The following HMCN2 variants were observed in gnomAD, a reference collection of about 807,000 sequenced individuals.
The protein encoded by HMCN2 is hemicentin 2.
HMCN2 carries 325 observed loss-of-function variants against 377.5 expected under a neutral mutation model. The ratio of observed to expected loss-of-function variants is 0.86; its 90% CI spans 0.79 to 0.94. HMCN2 has a LOEUF of 0.94. Among genes scored for constraint, HMCN2 ranks in the 40% least tolerant of loss-of-function variants. The pLI is 0.00. For synonymous variants in HMCN2, 2,007 were observed against 2,046.8 expected, an observed-to-expected ratio of 0.98 and a Z score of 0.53; for missense variants, 4,543 against 4,725.3, an observed-to-expected ratio of 0.96 and a Z score of 1.13.
intron 28 of HMCN2, 22 bp from the exon 29 acceptor site, chr9:130,349,515 C>T (rs1218879676): frequency 1.5e-6 from 2 of 1,301,082 alleles, no homozygotes; most frequent in Admixed American, 2.3e-5. Context: ...GTTTCCCACC[C>T]CTCACGCCTT....
chr9:130,302,906 G>A lies in HMCN2; in HGVS notation c.1326G>A (p.Gln442=). ...MAPRIHGYLH[Q]PLLVSCSVHS... is the part of the protein sequence containing the mutation. ...CCAGGATCCATGGCTACCTGCACCA[G>A]CCCCTGCTGGTCTCCTGCTCGGTGC... Residue 442 remains glutamine (Q), a synonymous_variant, in exon 9 of 98, where the codon CAG becomes CAA. Coordinates refer to ENST00000683500, the MANE Select transcript of HMCN2 (RefSeq NM_001291815.2). 1 of 470,620 alleles carries A rather than the reference G, an allele frequency of 2.1e-6. No individual in the cohort carries two copies. 29.2% of individuals were successfully genotyped at this position (470,620 alleles called of 1,614,324 possible).
At chr9:130,380,131 C>T (rs1005485122) in intron 54 of HMCN2, among the ~76,000 whole-genome samples, 5 of 152,226 alleles carry the variant, frequency 3.3e-5, no homozygotes, top group African/African-American at 7.2e-5. Context: ...CGTCTCGGAT[C>T]GGCCTCCCAA....
chr9:130,277,750 A>G (rs921440069), intron 1 of HMCN2, among the ~76,000 whole-genome samples: 23 of 147,996 alleles, frequency 1.6e-4, no homozygotes, highest in African/African-American at 5.2e-4. Flanking sequence ...CACCACCACC[A>G]CCATCATCAT....
rs1246995787 is a variant in HMCN2, at chr9:130,430,579, C to T, written c.14622C>T (p.Phe4874=). Residue 4874 remains phenylalanine, a synonymous_variant, in exon 95 of 98, where the codon TTC becomes TTT. Coordinates refer to ENST00000683500, the MANE Select transcript of HMCN2 (RefSeq NM_001291815.2). ...GCCGGGCCTGGTGCCCTCCTGGTTT[C>T]ATCAGGCAGAACGGAGTCTGCACAG... ...SVGRAWCPPG[F]IRQNGVCTDL... The T allele has an allele frequency of 2.6e-6, 4 of 1,550,100 alleles. No homozygotes were observed. In the African/African-American group the frequency reaches 5.5e-5, roughly 21 times the overall value.
chr9:130,300,102 C>A (rs1836419487), intron 8 of HMCN2, among the ~76,000 whole-genome samples: 1 of 150,992 alleles, frequency 6.6e-6, no homozygotes, highest in Admixed American at 6.6e-5. Context: ...CATTTGCTTA[C>A]CCATCCATCT....
rs1025285631 is a variant in HMCN2, at chr9:130,339,095, G to C, written c.3487+1074G>C. 4.7e-4 allele frequency among the ~76,000 whole-genome samples: 71 copies of C among 152,276 alleles called. 1 individual carries two copies. In the East Asian group the frequency reaches 0.012, roughly 26 times the overall value. On this transcript the variant is annotated intron_variant, in intron 23 of 97. Coordinates refer to ENST00000683500, the MANE Select transcript of HMCN2 (RefSeq NM_001291815.2). ...CCCAGCTACTCAGGAGGCTGAGGTG[G>C]GAAGATAGCTTGAGCCCAGGAGGTC... is the stretch of plus-strand genomic sequence containing the variant.
intron 8 of HMCN2, among the ~76,000 whole-genome samples, chr9:130,301,190 T>C (rs1836485764): frequency 6.6e-6 from 1 of 152,224 alleles, no homozygotes; most frequent in African/African-American, 2.4e-5. Context: ...TGGAGACCTC[T>C]TCTTTCCAGC....
At chr9:130,376,086 T>C in intron 51 of HMCN2, 97 bp downstream of exon 51, 1 of 317,900 alleles carries the variant, frequency 3.1e-6, no homozygotes, top group Non-Finnish European at 4.5e-6. Flanking sequence ...CTCCAGGGAG[T>C]CTCCATGTGG....
chr9:130,297,777 C>T (rs951029366), intron 7 of HMCN2, among the ~76,000 whole-genome samples: 1 of 152,108 alleles, frequency 6.6e-6, no homozygotes, highest in Non-Finnish European at 1.5e-5. Flanking sequence ...TTTGTTTTGC[C>T]GATAGCAGAA....
intron 51 of HMCN2, among the ~76,000 whole-genome samples, 161 bp downstream of exon 51, chr9:130,376,150 T>C (rs1247659291): frequency 6.6e-6 from 1 of 152,068 alleles, no homozygotes; most frequent in African/African-American, 2.4e-5. Context: ...GAGGACACAA[T>C]GAGGAGAGAA....
At chr9:130,314,996 T>C in intron 15 of HMCN2, among the ~76,000 whole-genome samples, 1 of 151,846 alleles carries the variant, frequency 6.6e-6, no homozygotes, top group Non-Finnish European at 1.5e-5. Context: ...CTCTGTCATC[T>C]GACTTCACCA....
At chr9:130,310,135 AG>A (rs1837159752) in intron 15 of HMCN2, 74 bp downstream of exon 15, 9 of 431,010 alleles carry the variant, frequency 2.1e-5, no homozygotes, top group Non-Finnish European at 4.3e-5. Flanking sequence ...CTGAGTAGGG[AG>A]GGGAAGCTCT....
At chr9:130,316,555 G>A (rs1321128725) in intron 15 of HMCN2, among the ~76,000 whole-genome samples, 2 of 152,136 alleles carry the variant, frequency 1.3e-5, no homozygotes, top group African/African-American at 2.4e-5. Flanking sequence ...CCCCCACTTA[G>A]AGCCCCATCC....
chr9:130,408,181 T>TG (rs1199714754), intron 83 of HMCN2, among the ~76,000 whole-genome samples: 1 of 152,056 alleles, frequency 6.6e-6, no homozygotes, highest in African/African-American at 2.4e-5. Context: ...TGGGGCTGGA[T>TG]GGGGGGAATG....
intron 57 of HMCN2, among the ~76,000 whole-genome samples, chr9:130,384,118 A>C (rs1841885962): frequency 6.6e-6 from 1 of 152,202 alleles, no homozygotes; most frequent in Non-Finnish European, 1.5e-5. Flanking sequence ...TCATGGGCTC[A>C]AACCTGAATT....
At position 130,376,612 on chromosome 9, in the gene HMCN2, G is replaced by A. The variant is rs1841393974; in HGVS notation, c.8015G>A (p.Ser2672Asn). 1 of 985,778 alleles carries A rather than the reference G, an allele frequency of 1.0e-6. No homozygotes were observed. Among genetic ancestry groups the A allele is most frequent in the African/African-American group, 1.7e-5 (1 of 57,234 alleles). 61.1% of individuals were successfully genotyped at this position (985,778 alleles called of 1,614,324 possible). A position where few individuals can be genotyped will look rare whatever the true frequency, so the allele number is the denominator to read the frequency against. The change falls in exon 52 of 98, where the codon AGC (serine) becomes AAC (asparagine). Residue 2672 changes from serine (S) to asparagine (N), a missense_variant. Ser to Asn is a conservative substitution (Grantham distance 46, BLOSUM62 1). Coordinates refer to ENST00000683500, the MANE Select transcript of HMCN2 (RefSeq NM_001291815.2). ...VNSTLTLECE[S>N]WAVPPPTIRW... ...AGCACCTTGACCTTGGAGTGTGAGA[G>A]CTGGGCTGTGCCCCCGCCCACCATC...
intron 43 of HMCN2, among the ~76,000 whole-genome samples, chr9:130,367,835 G>C (rs1840776502): frequency 6.6e-6 from 1 of 151,598 alleles, no homozygotes; most frequent in South Asian, 2.1e-4. Flanking sequence ...CCAGCTACTC[G>C]GGATGCTGAG....
rs71387339 is a variant in HMCN2 at position 130,293,279 on chromosome 9, G to GTTTTTTTTTTT, written c.613-1565_613-1555dup. On this transcript the variant is annotated intron_variant, in intron 4 of 97. Transcript: ENST00000683500. ...TTCCAAATAAAATCTACTCACTAAA[G>GTTTTTTTTTTT]TTTTTTTTTTTTTTTTTTTTTGCGG... is the stretch of plus-strand genomic sequence containing the variant. Among the ~76,000 whole-genome samples, 23 of 57,120 alleles carry GTTTTTTTTTTT rather than the reference G, an allele frequency of 4.0e-4. 2 individuals are homozygous for GTTTTTTTTTTT. The highest frequency in any genetic ancestry group is 8.3e-4 in the South Asian group (1 of 1,208). The allele number at this position is 57,120 out of a possible 152,430, so 37.5% of individuals were successfully genotyped here.
At chr9:130,312,414 A>G (rs1186408418) in intron 15 of HMCN2, among the ~76,000 whole-genome samples, 4 of 149,648 alleles carry the variant, frequency 2.7e-5, no homozygotes, top group African/African-American at 9.8e-5. Context: ...TGTGATGGGC[A>G]TTGTCATCCT....
Sources: gnomAD v4.1 joint callset for allele counts (sites outside exome capture counted in the v4.1 genomes callset) on GRCh38, gnomAD v4.1.1 for gene constraint, MANE v1.5 for transcripts, NCBI Gene and HGNC (gene_info 2026-07-23, HGNC 2026-07-21) for gene names.